The following RALA variants were observed in gnomAD, a reference collection of about 807,000 sequenced individuals.
RALA encodes RAS like proto-oncogene A, also known as ras-related protein Ral-A.
In RALA, 5 loss-of-function variants were observed where a neutral mutation model predicts 24.0. The ratio of observed to expected loss-of-function variants is 0.21; its 90% CI spans 0.11 to 0.44. The LOEUF (loss-of-function observed/expected upper bound fraction) is 0.44. Ranked by LOEUF, RALA falls within the 20% of genes least tolerant of loss-of-function variation. The pLI is 0.99. For synonymous variants in RALA, 77 were observed against 83.8 expected, an observed-to-expected ratio of 0.92 and a Z score of 0.44; for missense variants, 95 against 241.2, an observed-to-expected ratio of 0.39 and a Z score of 4.01.
rs939603520 is a variant in RALA, at chr7:39,706,396, C to T, written c.*151C>T. 1.3e-6 allele frequency: 1 copy of T among 789,650 alleles called. No homozygotes were observed. Among genetic ancestry groups the T allele is most frequent in the African/African-American group, 1.8e-5 (1 of 54,844 alleles). The allele number at this position is 789,650 out of a possible 1,614,324, so 48.9% of individuals were successfully genotyped here. On this transcript the variant is annotated 3_prime_UTR_variant, in exon 5 of 5. Coordinates refer to ENST00000005257, the MANE Select transcript of RALA (RefSeq NM_005402.4). ...CATGAATTGGAACTGCAATGAAAGT[C>T]AAATTTACTTTAAAAAGAAATTAAT...
chr7:39,627,038 G>C lies in RALA; in HGVS notation c.-38+3213G>C, dbSNP rs1212496204. The stretch of plus-strand genomic sequence containing the variant: ...ACTTTTTAAAATGCACTTTTAAATA[G>C]GCTTAATTTGAAGAATGTGTCCATC... On this transcript the variant is annotated intron_variant, in intron 1 of 4. Coordinates refer to ENST00000005257, the MANE Select transcript of RALA (RefSeq NM_005402.4). Among the ~76,000 whole-genome samples the C allele has an allele frequency of 2.0e-5, 3 of 151,602 alleles. No homozygotes were observed. In the East Asian group the frequency reaches 5.8e-4, roughly 29 times the overall value.
intron 1 of RALA, among the ~76,000 whole-genome samples, chr7:39,647,136 G>A (rs558842766): frequency 4.6e-5 from 7 of 152,150 alleles, no homozygotes; most frequent in South Asian, 4.2e-4. Context: ...TCGACCTCCC[G>A]GGCTCGAGCA....
chr7:39,659,848 T>C (rs1476852096), intron 1 of RALA, among the ~76,000 whole-genome samples: 2 of 152,218 alleles, frequency 1.3e-5, no homozygotes, highest in Non-Finnish European at 2.9e-5. Flanking sequence ...GAGTTGCACT[T>C]GCTTTAGTGG....
intron 1 of RALA, among the ~76,000 whole-genome samples, chr7:39,671,067 C>CT (rs1202354785): frequency 2.0e-5 from 3 of 151,394 alleles, no homozygotes; most frequent in African/African-American, 7.3e-5. Context: ...TCATTTGACT[C>CT]TTTTTTTTTC....
chr7:39,659,712 A>G lies in RALA; in HGVS notation c.-37-26919A>G, dbSNP rs149537624. On this transcript the variant is annotated intron_variant, in intron 1 of 4. Coordinates refer to ENST00000005257, the MANE Select transcript of RALA (RefSeq NM_005402.4). Reference sequence around the variant, plus strand: ...ATAGGCACTAAATAAGCCCAAAAATATGAGCAAAAGTTGTCTGTTAATTCA... The same window carrying G: ...ATAGGCACTAAATAAGCCCAAAAATGTGAGCAAAAGTTGTCTGTTAATTCA... 2.6e-3 allele frequency among the ~76,000 whole-genome samples: 401 copies of G among 152,316 alleles called. 3 individuals are homozygous for G. The highest frequency in any genetic ancestry group is 5.0e-3 in the Admixed American group (77 of 15,298).
chr7:39,666,948 GA>G (rs200251315), intron 1 of RALA, among the ~76,000 whole-genome samples: 3 of 151,960 alleles, frequency 2.0e-5, no homozygotes, highest in African/African-American at 4.8e-5. Context: ...CAATGCTGAA[GA>G]AAAAAAACAT....
At chr7:39,627,957 C>T (rs1181767469) in intron 1 of RALA, among the ~76,000 whole-genome samples, 1 of 152,030 alleles carries the variant, frequency 6.6e-6, no homozygotes, top group African/African-American at 2.4e-5. Flanking sequence ...TCTCTTTTTT[C>T]CCCTTTATCT....
At chr7:39,677,324 G>A (rs988722448) in intron 1 of RALA, among the ~76,000 whole-genome samples, 5 of 150,678 alleles carry the variant, frequency 3.3e-5, no homozygotes, top group African/African-American at 7.3e-5. Flanking sequence ...TTGTTCTTGC[G>A]ATAGTTTACT....
chr7:39,623,741 C>G lies in RALA; in HGVS notation c.-122C>G, dbSNP rs1254204169. ...CGCTCCCGGCGCGGGGCCTTCCAGG[C>G]GACAAGGACCGAGTACCCTCCGGCC... On this transcript the variant is annotated 5_prime_UTR_variant, in exon 1 of 5. Transcript: ENST00000005257. The surrounding 1 kb of genome is among the most constrained non-coding windows in gnomAD (Gnocchi z 4.9). The G allele has an allele frequency of 6.5e-6, 1 of 152,738 alleles. No homozygotes were observed. Among genetic ancestry groups the G allele is most frequent in the African/African-American group, 2.4e-5 (1 of 41,438 alleles). 9.5% of individuals were successfully genotyped at this position (152,738 alleles called of 1,614,324 possible).
chr7:39,624,364 A>G (rs898205047), intron 1 of RALA: 1 of 145,516 alleles, frequency 6.9e-6, no homozygotes, highest in Non-Finnish European at 1.5e-5. Context: ...TAAAGTCATT[A>G]GACTCTCCGC....
At chr7:39,695,954 C>T (rs555335610) in intron 3 of RALA, among the ~76,000 whole-genome samples, 3 of 152,266 alleles carry the variant, frequency 2.0e-5, no homozygotes, top group African/African-American at 7.2e-5. Flanking sequence ...TCTGTCGATG[C>T]AGTTATAAGC....
intron 4 of RALA, among the ~76,000 whole-genome samples, chr7:39,704,412 C>T (rs1793081585): frequency 6.6e-6 from 1 of 151,608 alleles, no homozygotes. Flanking sequence ...ACCTCCGCCT[C>T]CTGAATTCAA....
chr7:39,670,335 CAA>C (rs1792357883), intron 1 of RALA, among the ~76,000 whole-genome samples: 1 of 152,106 alleles, frequency 6.6e-6, no homozygotes, highest in South Asian at 2.1e-4. Context: ...TTTGTAGAGA[CAA>C]AGTCTCACTG....
chr7:39,661,464 G>A (rs978318882), intron 1 of RALA, among the ~76,000 whole-genome samples: 1 of 152,234 alleles, frequency 6.6e-6, no homozygotes, highest in African/African-American at 2.4e-5. Context: ...CAATGAGGGT[G>A]CAGGCATTGG....
At chr7:39,663,262 T>C (rs1165934866) in intron 1 of RALA, among the ~76,000 whole-genome samples, 2 of 152,206 alleles carry the variant, frequency 1.3e-5, no homozygotes, top group Non-Finnish European at 2.9e-5. Context: ...TATTAAATTA[T>C]AACTGCATAA....
At chr7:39,683,840 A>AACACACACACACACAC (rs71964842) in intron 1 of RALA, among the ~76,000 whole-genome samples, 1 of 147,954 alleles carries the variant, frequency 6.8e-6, no homozygotes. Context: ...TTTTCTTTTG[A>AACACACACACACACAC]ACACACACAC....
chr7:39,629,877 G>C (rs11769962), intron 1 of RALA, among the ~76,000 whole-genome samples: 68,954 of 151,862 alleles, frequency 0.45, 16,467 homozygotes, highest in Non-Finnish European at 0.52. Flanking sequence ...TTACAGGCAT[G>C]AGCCACCGTG....
At chr7:39,631,007 T>A (rs1015712908) in intron 1 of RALA, among the ~76,000 whole-genome samples, 1 of 108,864 alleles carries the variant, frequency 9.2e-6, no homozygotes, top group African/African-American at 4.1e-5. Flanking sequence ...GGTTTTTTGT[T>A]TTTGTTTTTT....
rs188992382 is a variant in RALA, at chr7:39,639,670, T to C, written c.-38+15845T>C. On this transcript the variant is annotated intron_variant, in intron 1 of 4. Coordinates refer to ENST00000005257, the MANE Select transcript of RALA (RefSeq NM_005402.4). ...GCATTTGTCCTATGATCATAGACTT[T>C]ACAGATTTTTATTTTCTGATAATTT... Among the ~76,000 whole-genome samples the C allele has an allele frequency of 5.3e-5, 8 of 152,336 alleles. No homozygotes were observed. The East Asian group carries it at 1.4e-3, about 26-fold the overall frequency.
Sources: allele counts gnomAD v4.1 joint callset (sites outside exome capture counted in the v4.1 genomes callset), GRCh38; gene constraint gnomAD v4.1.1; non-coding constraint Gnocchi (gnomAD v3.1); transcripts MANE v1.5; gene names NCBI Gene and HGNC (gene_info 2026-07-23, HGNC 2026-07-21).